Variants in ANK2 observed in about 807,000 individuals in gnomAD.
ANK2 encodes ankyrin-2.
Under a neutral mutation model 360.5 loss-of-function variants are expected in ANK2, and 83 were observed. The ratio of observed to expected loss-of-function variants is 0.23; its 90% confidence interval spans 0.19 to 0.28. ANK2 has a LOEUF of 0.28. ANK2 is among the 10% of genes least tolerant of loss of function. ANK2 has a pLI of 1.00. For missense variants in ANK2, 4,201 were observed against 4,795.7 expected, an observed-to-expected ratio of 0.88 and a Z score of 3.66; for synonymous variants, 1,740 against 1,759.5, an observed-to-expected ratio of 0.99 and a Z score of 0.28.
intron 1 of ANK2, among the ~76,000 whole-genome samples, chr4:112,837,527 C>T (rs1476997266): frequency 6.6e-6 from 1 of 152,224 alleles, no homozygotes; most frequent in Non-Finnish European, 1.5e-5. Context: ...ATGGTAGATC[C>T]ACCAACAGCT....
chr4:112,754,111 GTATATATATATATATATATA>G, the ANK2 span, among the ~76,000 whole-genome samples: 12 of 111,476 alleles, frequency 1.1e-4, no homozygotes, highest in Admixed American at 4.9e-4. Flanking sequence ...AAAAAAAAAA[GTATATATATATATATATATA>G]TATATATATA....
chr4:113,277,949 A>G lies in ANK2; in HGVS notation c.1782+14A>G. The G allele has an allele frequency of 6.2e-7, 1 of 1,601,602 alleles. No individual in the cohort carries two copies. The highest frequency in any genetic ancestry group is 1.3e-5 in the African/African-American group (1 of 74,786). On this transcript the variant is annotated intron_variant, in intron 16 of 45. Coordinates refer to ENST00000357077, the MANE Select transcript of ANK2 (RefSeq NM_001148.6). Reference sequence around the variant, plus strand: ...TCTGCAGGGAAGGTAAAGATTTTCTATACGTTATAATTATGTAACAGTGAA... The same window carrying G: ...TCTGCAGGGAAGGTAAAGATTTTCTGTACGTTATAATTATGTAACAGTGAA...
chr4:112,810,159 ATTTTTTTTT>A, the ANK2 span, among the ~76,000 whole-genome samples: 185 of 35,700 alleles, frequency 5.2e-3, 1 homozygote, highest in East Asian at 0.012. Context: ...ATATATATAT[ATTTTTTTTT>A]TTTTTTTTTT....
the ANK2 span, among the ~76,000 whole-genome samples, chr4:112,753,302 C>T: frequency 6.6e-6 from 1 of 152,226 alleles, no homozygotes; most frequent in Non-Finnish European, 1.5e-5. Flanking sequence ...TAGCTGGATA[C>T]ATATACAGCC....
chr4:113,190,643 G>A (rs1409003015), intron 2 of ANK2, among the ~76,000 whole-genome samples: 1 of 152,112 alleles, frequency 6.6e-6, no homozygotes, highest in Non-Finnish European at 1.5e-5. Flanking sequence ...ATTGGTTTTT[G>A]TGTTACGGAG....
chr4:113,071,278 A>C (rs138148359), intron 1 of ANK2, among the ~76,000 whole-genome samples: 1 of 152,336 alleles, frequency 6.6e-6, no homozygotes, highest in Non-Finnish European at 1.5e-5. Flanking sequence ...AGCAGGCTTC[A>C]AACCTCATTC....
intron 1 of ANK2, among the ~76,000 whole-genome samples, chr4:113,102,958 T>G (rs1041041758): frequency 6.6e-6 from 1 of 152,060 alleles, no homozygotes; most frequent in East Asian, 1.9e-4. Flanking sequence ...GGAGGGGAGG[T>G]GAGGAAAAGA....
chr4:112,757,957 G>T, the ANK2 span, among the ~76,000 whole-genome samples: 1 of 137,612 alleles, frequency 7.3e-6, no homozygotes, highest in South Asian at 2.2e-4. Flanking sequence ...CTGGCCCACT[G>T]CAACGGCGCC....
chr4:113,212,947 A>T (rs2153457554), intron 4 of ANK2, among the ~76,000 whole-genome samples: 1 of 152,288 alleles, frequency 6.6e-6, no homozygotes, highest in Middle Eastern at 3.4e-3. Flanking sequence ...GAACACTGTC[A>T]ATTTGAGTAT....
At chr4:112,803,705 C>G in the ANK2 span, among the ~76,000 whole-genome samples, 1 of 152,078 alleles carries the variant, frequency 6.6e-6, no homozygotes, top group Non-Finnish European at 1.5e-5. Flanking sequence ...TATTGTTTAT[C>G]TAAATTCAAA....
the ANK2 span, among the ~76,000 whole-genome samples, chr4:112,794,696 T>G: frequency 6.6e-6 from 1 of 152,212 alleles, no homozygotes; most frequent in Admixed American, 6.5e-5. Context: ...CCATTCCCCC[T>G]TCTCTCCCTT....
intron 2 of ANK2, among the ~76,000 whole-genome samples, chr4:113,001,578 A>G (rs1254939912): frequency 6.6e-6 from 1 of 152,096 alleles, no homozygotes; most frequent in Non-Finnish European, 1.5e-5. Flanking sequence ...AATTATTCAA[A>G]TATTATTTGG....
At chr4:112,855,820 C>T (rs2066264444) in intron 1 of ANK2, among the ~76,000 whole-genome samples, 1 of 152,146 alleles carries the variant, frequency 6.6e-6, no homozygotes, top group Admixed American at 6.5e-5. Context: ...GGCAGCGTTA[C>T]CTGGAATGTC....
chr4:113,060,964 A>G (rs2073002831), intron 1 of ANK2, among the ~76,000 whole-genome samples: 1 of 152,028 alleles, frequency 6.6e-6, no homozygotes, highest in Non-Finnish European at 1.5e-5. Flanking sequence ...TGCTTGTCCT[A>G]ATTCAAAAGG....
chr4:112,720,214 T>C, the ANK2 span, among the ~76,000 whole-genome samples: 7 of 152,334 alleles, frequency 4.6e-5, no homozygotes, highest in East Asian at 1.3e-3. Flanking sequence ...CTTCTATTAC[T>C]ACCATACGTT....
chr4:112,796,465 TAC>T, the ANK2 span, among the ~76,000 whole-genome samples: 4 of 150,284 alleles, frequency 2.7e-5, no homozygotes, highest in Non-Finnish European at 5.9e-5. Flanking sequence ...TCTATATATA[TAC>T]ACACACACAC....
At chr4:113,253,339 G>T (rs1010283253) in intron 10 of ANK2, among the ~76,000 whole-genome samples, 4 of 151,788 alleles carry the variant, frequency 2.6e-5, no homozygotes, top group Admixed American at 2.6e-4. Flanking sequence ...TTTCTCTATC[G>T]GCACTCACTT....
intron 26 of ANK2, among the ~76,000 whole-genome samples, chr4:113,327,307 A>G (rs2090478734): frequency 6.6e-6 from 1 of 152,218 alleles, no homozygotes; most frequent in Non-Finnish European, 1.5e-5. Context: ...AAAGGAAATC[A>G]ATGTATTAGG....
chr4:113,355,776 G>A lies in ANK2; in HGVS notation c.7158G>A (p.Glu2386=). Residue 2386 remains glutamate, a synonymous_variant, in exon 38 of 46, where the codon GAG becomes GAA. Transcript: ENST00000357077. ...AGACAAAGGCCTTGCCGCTGCCTGAGGCTTCTGTAAAGACAGATACAGGAA... is the reference window on the plus strand; with the variant it reads ...AGACAAAGGCCTTGCCGCTGCCTGAAGCTTCTGTAAAGACAGATACAGGAA... ...SDETKALPLP[E]ASVKTDTGTE... 1 of 1,614,100 alleles carries A rather than the reference G, an allele frequency of 6.2e-7. No homozygotes were observed. The highest frequency in any genetic ancestry group is 1.3e-5 in the African/African-American group (1 of 75,048).
Sources: gnomAD v4.1 joint callset for allele counts (sites outside exome capture counted in the v4.1 genomes callset) on GRCh38, gnomAD v4.1.1 for gene constraint, MANE v1.5 for transcripts, NCBI Gene and HGNC (gene_info 2026-07-23, HGNC 2026-07-21) for gene names.